VPS13B: variants seen among roughly 807,000 people sequenced by gnomAD.
VPS13B encodes intermembrane lipid transfer protein VPS13B.
A neutral mutation model predicts 426.4 loss-of-function variants in VPS13B; 285 were observed. The observed-to-expected ratio is 0.67, with a 90% CI of 0.61 to 0.74. The LOEUF (loss-of-function observed/expected upper bound fraction) is 0.74. Ranked by LOEUF, VPS13B falls within the 30% of genes least tolerant of loss-of-function variation. The pLI, the probability that VPS13B is intolerant of heterozygous loss-of-function variation, is 0.00. For synonymous variants in VPS13B, 1,676 were observed against 1,676.4 expected (o/e 1.00, Z 0.01); for missense variants, 4,537 against 4,782.6 (o/e 0.95, Z 1.51).
intron 23 of VPS13B, among the ~76,000 whole-genome samples, chr8:99,467,166 C>A (rs980414319): frequency 6.6e-6 from 1 of 152,018 alleles, no homozygotes; most frequent in Non-Finnish European, 1.5e-5. Context: ...GAAGTTAGAA[C>A]TTTTATTTTT....
At chr8:99,289,376 G>A (rs1240570009) in intron 19 of VPS13B, among the ~76,000 whole-genome samples, 1 of 152,068 alleles carries the variant, frequency 6.6e-6, no homozygotes, top group Non-Finnish European at 1.5e-5. Flanking sequence ...GGACATTAGA[G>A]TTTGATGATA....
At chr8:99,212,299 T>TGGTTGAGAAACCTAATTGAGGCCAATGG (rs1815136692) in intron 17 of VPS13B, among the ~76,000 whole-genome samples, 1 of 152,204 alleles carries the variant, frequency 6.6e-6, no homozygotes. Flanking sequence ...CTATACTGAT[T>TGGTTGAGAAACCTAATTGAGGCCAATGG]GGTTGAGAAA....
rs914643525 is a variant in VPS13B at position 99,627,252 on chromosome 8, A to G, written c.5221-14559A>G. Among the ~76,000 whole-genome samples the G allele has an allele frequency of 7.9e-5, 12 of 152,116 alleles. No homozygotes were observed. In the East Asian group the frequency reaches 2.3e-3, roughly 29 times the overall value. The stretch of plus-strand genomic sequence containing the variant: ...ATGTATTATATATTTCAAAATAACT[A>G]AGAGACTAAATTTCAAATGTATCAC... On this transcript the variant is annotated intron_variant, in intron 33 of 61. Transcript: ENST00000357162.
chr8:99,756,106 A>G lies in VPS13B; in HGVS notation c.7051-10668A>G, dbSNP rs143462758. On this transcript the variant is annotated intron_variant, in intron 39 of 61. Transcript: ENST00000357162. ...AAGGCCATGTCTAAAAAGCTTAAGT[A>G]TAGGAATCATGTCTCACCAAATATA... is the stretch of plus-strand genomic sequence containing the variant. 2.2e-3 allele frequency among the ~76,000 whole-genome samples: 328 copies of G among 152,288 alleles called. 1 individual carries two copies. Among genetic ancestry groups the G allele is most frequent in the African/African-American group, 7.6e-3 (316 of 41,582 alleles).
intron 4 of VPS13B, among the ~76,000 whole-genome samples, chr8:99,098,681 C>T (rs1453044431): frequency 6.6e-6 from 1 of 151,992 alleles, no homozygotes; most frequent in Non-Finnish European, 1.5e-5. Context: ...AGGTTTTTGG[C>T]ATAAAATGGC....
chr8:99,351,462 G>GTGTA (rs1554747885), intron 19 of VPS13B, among the ~76,000 whole-genome samples: 1 of 151,436 alleles, frequency 6.6e-6, no homozygotes, highest in African/African-American at 2.4e-5. Flanking sequence ...GTGTGTGTGT[G>GTGTA]TATGTATGTG....
At chr8:99,222,981 T>A (rs4481561) in intron 17 of VPS13B, among the ~76,000 whole-genome samples, 3 of 151,926 alleles carry the variant, frequency 2.0e-5, no homozygotes, top group African/African-American at 7.3e-5. Flanking sequence ...GGATTACAGG[T>A]GCACACCACC....
intron 39 of VPS13B, among the ~76,000 whole-genome samples, chr8:99,761,495 A>G (rs924774962): frequency 2.0e-5 from 3 of 151,862 alleles, no homozygotes; most frequent in Non-Finnish European, 4.4e-5. Context: ...ACCTACTCCA[A>G]CCCTCGCCTT....
At chr8:99,278,353 A>G (rs529060776) in intron 19 of VPS13B, among the ~76,000 whole-genome samples, 18 of 152,338 alleles carry the variant, frequency 1.2e-4, no homozygotes, top group Admixed American at 5.2e-4. Flanking sequence ...GGACAGCTTT[A>G]TTAATGGGGA....
intron 16 of VPS13B, among the ~76,000 whole-genome samples, chr8:99,180,712 T>C (rs1812902709): frequency 6.6e-6 from 1 of 152,054 alleles, no homozygotes; most frequent in Admixed American, 6.5e-5. Flanking sequence ...TAGATATAGT[T>C]CATATGAAGG....
At chr8:99,669,729 A>C (rs948955203) in intron 35 of VPS13B, among the ~76,000 whole-genome samples, 3 of 151,892 alleles carry the variant, frequency 2.0e-5, no homozygotes, top group African/African-American at 7.3e-5. Flanking sequence ...AGTGTTTCTG[A>C]TTTCATTCTG....
intron 14 of VPS13B, among the ~76,000 whole-genome samples, chr8:99,150,443 T>C (rs767866685): frequency 3.3e-5 from 5 of 152,224 alleles, no homozygotes; most frequent in Non-Finnish European, 7.3e-5. Context: ...TGGTGTTTTA[T>C]GTTCTATGAG....
chr8:99,015,505 C>T (rs982002968), intron 2 of VPS13B, among the ~76,000 whole-genome samples: 3 of 151,668 alleles, frequency 2.0e-5, no homozygotes, highest in South Asian at 2.1e-4. Flanking sequence ...CATGAGCCAC[C>T]GCGCCTGGCC....
chr8:99,793,193 G>C (rs2130733482), intron 43 of VPS13B, among the ~76,000 whole-genome samples: 1 of 146,734 alleles, frequency 6.8e-6, no homozygotes. Context: ...AACAGAGCAA[G>C]ACCCTGTCGC....
intron 56 of VPS13B, among the ~76,000 whole-genome samples, chr8:99,858,357 G>T (rs901906525): frequency 2.0e-5 from 3 of 152,200 alleles, no homozygotes; most frequent in African/African-American, 7.2e-5. Flanking sequence ...GCGGCTGAGT[G>T]GCAGGCCAGC....
rs1313897981 is a variant in VPS13B at position 99,854,238 on chromosome 8, G to T, written c.10849G>T (p.Gly3617Trp). The T allele has an allele frequency of 1.9e-6, 3 of 1,613,766 alleles. No individual in the cohort carries two copies. The highest frequency in any genetic ancestry group is 2.5e-6 in the Non-Finnish European group (3 of 1,179,986). Residue 3617 changes from glycine to tryptophan, a missense_variant, in exon 56 of 62, where the codon GGG (glycine) becomes TGG (tryptophan). This residue lies in a region of VPS13B where 4,311 missense variants were observed against 4,474.3 expected (regional missense o/e 0.96). Coordinates refer to ENST00000357162, the MANE Select transcript of VPS13B (RefSeq NM_152564.5). ...CGCCCTGGCAATGCACTATGCCGCT[G>T]GGGCCCTTTTTAGAGCAGGTAAGAA... ...VHALAMHYAAGALFRAGWVVG... is the reference protein window; with the variant it reads ...VHALAMHYAAWALFRAGWVVG...
At chr8:99,238,444 G>A (rs1816752890) in intron 17 of VPS13B, among the ~76,000 whole-genome samples, 1 of 152,192 alleles carries the variant, frequency 6.6e-6, no homozygotes, top group African/African-American at 2.4e-5. Flanking sequence ...GCAAGCTTAG[G>A]TGAAGGATGA....
At chr8:99,835,476 TTCTG>T in intron 53 of VPS13B, 59 bp from the exon 54 acceptor site, 1 of 1,557,998 alleles carries the variant, frequency 6.4e-7, no homozygotes, top group Admixed American at 1.7e-5. Flanking sequence ...CCACATTATG[TTCTG>T]TCCCCCAAGT....
chr8:99,404,148 ATATGTGAT>A (rs1815202928), intron 21 of VPS13B, among the ~76,000 whole-genome samples: 1 of 152,258 alleles, frequency 6.6e-6, no homozygotes, highest in Non-Finnish European at 1.5e-5. Flanking sequence ...AATTATCATA[ATATGTGAT>A]TTGAACTGTA....
Sources: allele counts gnomAD v4.1 joint callset (sites outside exome capture counted in the v4.1 genomes callset), GRCh38; gene constraint gnomAD v4.1.1; regional missense constraint gnomAD v4.1.1; transcripts MANE v1.5; gene names NCBI Gene and HGNC (gene_info 2026-07-23, HGNC 2026-07-21).